The following PIWIL2 variants were observed in gnomAD, a reference collection of about 807,000 sequenced individuals.
PIWIL2 encodes piwi like RNA-mediated gene silencing 2.
PIWIL2 carries 81 observed loss-of-function variants against 116.5 expected under a neutral mutation model. That is an observed-to-expected ratio of 0.70 (90% CI 0.58 to 0.84). The LOEUF is 0.84. PIWIL2 is among the 40% of genes least tolerant of loss of function. The probability of loss-of-function intolerance (pLI) is 0.00; values close to 1 mark genes in which losing one functional copy is unlikely to be tolerated. For missense variants in PIWIL2, 1,272 were observed against 1,212.3 expected, an observed-to-expected ratio of 1.05 and a Z score of -0.73; for synonymous variants, 489 against 429.5, an observed-to-expected ratio of 1.14 and a Z score of -1.71.
chr8:22,308,216 GAC>G, intron 14 of PIWIL2, 143 bp downstream of exon 14: 1 of 601,066 alleles, frequency 1.7e-6, no homozygotes, highest in Non-Finnish European at 2.7e-6. Context: ...TTTTTTTTGA[GAC>G]AGAGTCTTAT....
At chr8:22,348,432 A>T (rs927696195) in intron 20 of PIWIL2, among the ~76,000 whole-genome samples, 3 of 152,164 alleles carry the variant, frequency 2.0e-5, no homozygotes, top group African/African-American at 4.8e-5. Flanking sequence ...TTTTTTGCCT[A>T]ACTGACCCTT....
rs544615180 is a variant in PIWIL2 at position 22,351,788 on chromosome 8, C to T, written c.2404-1171C>T. ...TTCTGACCTCAGGTGATCCACCCAC[C>T]TCGGCCTCTGAGAGTGCTGGGATTA... On this transcript the variant is annotated intron_variant, in intron 20 of 22. Transcript: ENST00000356766. Among the ~76,000 whole-genome samples the T allele has an allele frequency of 2.0e-5, 3 of 151,546 alleles. No individual in the cohort carries two copies. The South Asian group carries it at 6.3e-4, about 32-fold the overall frequency.
At chr8:22,336,877 T>C (rs1428822558) in intron 20 of PIWIL2, among the ~76,000 whole-genome samples, 2 of 152,024 alleles carry the variant, frequency 1.3e-5, no homozygotes, top group African/African-American at 4.8e-5. Context: ...TTATGAAAAA[T>C]AGAAGAATCT....
chr8:22,289,674 G>A (rs1454356227), intron 8 of PIWIL2, among the ~76,000 whole-genome samples, 173 bp from the exon 9 acceptor site: 2 of 152,174 alleles, frequency 1.3e-5, no homozygotes, highest in Non-Finnish European at 2.9e-5. Flanking sequence ...CAAATGCTTT[G>A]GCAGTTTTTG....
intron 19 of PIWIL2, 126 bp downstream of exon 19, chr8:22,316,459 T>A: frequency 3.1e-6 from 2 of 647,038 alleles, no homozygotes; most frequent in Non-Finnish European, 2.7e-6. Flanking sequence ...ATTTTCTTCC[T>A]CTATCTTCAT....
At chr8:22,303,283 C>T (rs1200939198) in intron 10 of PIWIL2, among the ~76,000 whole-genome samples, 1 of 152,188 alleles carries the variant, frequency 6.6e-6, no homozygotes, top group Non-Finnish European at 1.5e-5. Context: ...GATCTGTAGT[C>T]TAGTTAATGA....
In PIWIL2 at chr8:22,351,436, C is replaced by CATATATAT. The variant is rs1306694253; in HGVS notation, c.2404-1520_2404-1519insTATATATA. On this transcript the variant is annotated intron_variant, in intron 20 of 22. Coordinates refer to ENST00000356766, the MANE Select transcript of PIWIL2 (RefSeq NM_018068.5). Reference sequence around the variant, plus strand: ...AGTAACCTGTAAGGAACAGTGCATACATACATATATATATATATATATATA... The same window carrying CATATATAT: ...AGTAACCTGTAAGGAACAGTGCATACATATATATATACATATATATATATATATATATA... Among the ~76,000 whole-genome samples, 239 of 45,950 alleles carry CATATATAT rather than the reference C, an allele frequency of 5.2e-3. 4 individuals carry two copies. The highest frequency in any genetic ancestry group is 8.0e-3 in the South Asian group (7 of 872). 30.1% of individuals were successfully genotyped at this position (45,950 alleles called of 152,430 possible). A position where few individuals can be genotyped will look rare whatever the true frequency, so the allele number is the denominator to read the frequency against.
chr8:22,309,678 G>T (rs1371097040), intron 14 of PIWIL2, among the ~76,000 whole-genome samples: 1 of 152,176 alleles, frequency 6.6e-6, no homozygotes, highest in African/African-American at 2.4e-5. Flanking sequence ...CCTTTATTCA[G>T]TCATTCTAAA....
chr8:22,291,836 G>A (rs1443410460), intron 10 of PIWIL2, among the ~76,000 whole-genome samples: 4 of 152,054 alleles, frequency 2.6e-5, no homozygotes, highest in Admixed American at 2.6e-4. Context: ...TTGTTACCAG[G>A]GGAGATGAAC....
In PIWIL2 at chr8:22,279,511, G is replaced by C. The variant is rs1364481152; in HGVS notation, c.125G>C (p.Gly42Ala). The change falls in exon 2 of 23, where the codon GGA becomes GCA. Residue 42 changes from glycine to alanine, a missense_variant. By Grantham distance (60) the Gly-to-Ala change is moderately conservative. Coordinates refer to ENST00000356766, the MANE Select transcript of PIWIL2 (RefSeq NM_018068.5). The stretch of plus-strand genomic sequence containing the variant: ...CCTTTGGACCCAGCTCTGGGCAGGG[G>C]AGCACCTGCAGGCAGAGGCCATGTA... ...SKPLDPALGR[G>A]APAGRGHVFG... 6.2e-7 allele frequency: 1 copy of C among 1,614,212 alleles called. No individual in the cohort carries two copies. The highest frequency in any genetic ancestry group is 2.2e-5 in the East Asian group (1 of 44,880).
intron 7 of PIWIL2, 32 bp downstream of exon 7, chr8:22,287,677 G>A (rs1429061551): frequency 2.3e-6 from 3 of 1,329,924 alleles, no homozygotes; most frequent in Non-Finnish European, 3.3e-6. Context: ...ACTTTGAGAT[G>A]AACCCTAAGA....
intron 8 of PIWIL2, 83 bp from the exon 9 acceptor site, chr8:22,289,764 C>T (rs959447818): frequency 4.8e-6 from 4 of 829,946 alleles, no homozygotes; most frequent in South Asian, 3.0e-5. Context: ...GTTCAGACTT[C>T]CAAAGGCAAA....
intron 20 of PIWIL2, among the ~76,000 whole-genome samples, chr8:22,328,837 TAATTC>T (rs1831792853): frequency 6.8e-6 from 1 of 146,068 alleles, no homozygotes; most frequent in East Asian, 2.0e-4. Flanking sequence ...TTTTTTTTTT[TAATTC>T]TTTGGGATTT....
At chr8:22,354,422 C>A in intron 22 of PIWIL2, 44 bp downstream of exon 22, 1 of 1,278,090 alleles carries the variant, frequency 7.8e-7, no homozygotes, top group Non-Finnish European at 1.1e-6. Context: ...TTAAATAATT[C>A]TGGCCTGCTA....
At chr8:22,279,951 C>T (rs911007049) in intron 2 of PIWIL2, among the ~76,000 whole-genome samples, 2 of 152,100 alleles carry the variant, frequency 1.3e-5, no homozygotes, top group African/African-American at 4.8e-5. Flanking sequence ...AGCGAGACTC[C>T]ATCTCAAACA....
intron 8 of PIWIL2, 149 bp downstream of exon 8, chr8:22,288,815 A>C: frequency 1.6e-6 from 1 of 616,138 alleles, no homozygotes; most frequent in East Asian, 2.8e-5. Context: ...TATTGAGGCT[A>C]ACTTACTCAA....
chr8:22,339,153 T>A (rs1832048044), intron 20 of PIWIL2, among the ~76,000 whole-genome samples: 1 of 152,196 alleles, frequency 6.6e-6, no homozygotes, highest in African/African-American at 2.4e-5. Context: ...TTGAAGCTCT[T>A]CTTTACACAG....
chr8:22,334,342 T>G (rs1831930438), intron 20 of PIWIL2, among the ~76,000 whole-genome samples: 1 of 151,520 alleles, frequency 6.6e-6, no homozygotes, highest in Non-Finnish European at 1.5e-5. Flanking sequence ...ACACCTATAG[T>G]GAAATCCCAT....
At position 22,285,644 on chromosome 8, in the gene PIWIL2, C is replaced by A. The variant is rs140370077; in HGVS notation, c.743+1372C>A. Among the ~76,000 whole-genome samples, 658 of 148,998 alleles carry A rather than the reference C, an allele frequency of 4.4e-3. 6 individuals carry two copies. Among genetic ancestry groups the A allele is most frequent in the African/African-American group, 0.016 (635 of 40,606 alleles). Reference sequence around the variant, plus strand: ...TTTTTAAGAAACTTCCATACTATTTCTTTTTTTTTTCTTTTGAGACAGGGT... The same window carrying A: ...TTTTTAAGAAACTTCCATACTATTTATTTTTTTTTTCTTTTGAGACAGGGT... On this transcript the variant is annotated intron_variant, in intron 6 of 22. Transcript: ENST00000356766.
Sources: gnomAD v4.1 joint callset for allele counts (sites outside exome capture counted in the v4.1 genomes callset) on GRCh38, gnomAD v4.1.1 for gene constraint, MANE v1.5 for transcripts, NCBI Gene and HGNC (gene_info 2026-07-23, HGNC 2026-07-21) for gene names.